The following HDAC1 variants were observed in gnomAD, a reference collection of about 807,000 sequenced individuals.
The protein encoded by HDAC1 is histone deacetylase 1, also known as protein deacetylase HDAC1.
HDAC1 carries 18 observed loss-of-function variants against 65.5 expected under a neutral mutation model. That is an observed-to-expected ratio of 0.27 (90% CI 0.19 to 0.41). HDAC1 has a LOEUF of 0.41. Ranked by LOEUF, HDAC1 falls within the 10% of genes least tolerant of loss-of-function variation. HDAC1 has a pLI of 1.00. For synonymous variants in HDAC1, 211 were observed against 227.9 expected, an observed-to-expected ratio of 0.93 and a Z score of 0.67; for missense variants, 373 against 625.2, an observed-to-expected ratio of 0.60 and a Z score of 4.30.
chr1:32,305,076 T>C (rs1640894279), intron 2 of HDAC1, among the ~76,000 whole-genome samples: 1 of 152,224 alleles, frequency 6.6e-6, no homozygotes, highest in South Asian at 2.1e-4. Context: ...CAGTATGTTT[T>C]AGTTTTACAT....
At chr1:32,295,291 G>A (rs1396883351) in intron 1 of HDAC1, among the ~76,000 whole-genome samples, 5 of 152,030 alleles carry the variant, frequency 3.3e-5, no homozygotes, top group Admixed American at 3.3e-4. Flanking sequence ...GCATGTGCCT[G>A]TAGAGAGGCT....
Position 32,333,551 on chromosome 1 carries a change from GCTAGT to G in HDAC1, c.*513_*517del, listed in dbSNP as rs1160636791. The G allele has an allele frequency of 2.6e-5, 4 of 152,608 alleles. No individual in the cohort carries two copies. Among genetic ancestry groups the G allele is most frequent in the South Asian group, 2.1e-4 (1 of 4,842 alleles). 9.5% of individuals were successfully genotyped at this position (152,608 alleles called of 1,614,324 possible). Reference sequence around the variant, plus strand: ...TCTCCTAATTCTGCAGGTGGAGGTTGCTAGTCTAGTTTCCTTTTTGAGATACTATT... The same window carrying G: ...TCTCCTAATTCTGCAGGTGGAGGTTGCTAGTTTCCTTTTTGAGATACTATT... On this transcript the variant is annotated 3_prime_UTR_variant, in exon 14 of 14. Transcript: ENST00000373548.
chr1:32,301,339 G>T (rs574795011), intron 1 of HDAC1, among the ~76,000 whole-genome samples: 1 of 151,992 alleles, frequency 6.6e-6, no homozygotes, highest in South Asian at 2.1e-4. Flanking sequence ...CCAGCTACTC[G>T]GGAGGCTGAG....
intron 1 of HDAC1, among the ~76,000 whole-genome samples, chr1:32,295,413 A>G (rs77849305): frequency 6.6e-6 from 1 of 151,938 alleles, no homozygotes; most frequent in Non-Finnish European, 1.5e-5. Flanking sequence ...AAAAAAAAAA[A>G]GAACATAAAT....
chr1:32,327,180 T>C lies in HDAC1; in HGVS notation c.494+103T>C. ...CCCTAGTTTGCTTTTCCTACCGATG[T>C]GCTGGCTAGGATGTGCTCGGTGAGT... On this transcript the variant is annotated intron_variant, in intron 5 of 13. Coordinates refer to ENST00000373548, the MANE Select transcript of HDAC1 (RefSeq NM_004964.3). The surrounding 1 kb of genome is among the most constrained non-coding windows in gnomAD (Gnocchi z 6.0). 1 of 1,205,168 alleles carries C rather than the reference T, an allele frequency of 8.3e-7. No individual in the cohort carries two copies. The highest frequency in any genetic ancestry group is 1.8e-5 in the Admixed American group (1 of 54,290). 74.7% of individuals were successfully genotyped at this position (1,205,168 alleles called of 1,614,324 possible).
intron 1 of HDAC1, among the ~76,000 whole-genome samples, chr1:32,298,030 T>C (rs1230954530): frequency 6.6e-6 from 1 of 150,670 alleles, no homozygotes; most frequent in East Asian, 2.0e-4. Flanking sequence ...ACCTTGTGAT[T>C]CGCCCGCCTC....
At chr1:32,332,677 C>G (rs912832363) in intron 12 of HDAC1, 24 bp from the exon 13 acceptor site, 1 of 1,548,674 alleles carries the variant, frequency 6.5e-7, no homozygotes, top group African/African-American at 1.4e-5. Context: ...TGCCCTTGGC[C>G]ATCCCTGTAC....
In HDAC1 at chr1:32,329,240, C is replaced by G; in HGVS notation, c.729+80C>G. 2 of 832,578 alleles carry G rather than the reference C, an allele frequency of 2.4e-6. No individual in the cohort carries two copies. The highest frequency in any genetic ancestry group is 4.3e-6 in the Non-Finnish European group (2 of 469,054). The allele number at this position is 832,578 out of a possible 1,614,324, so 51.6% of individuals were successfully genotyped here. ...AGGGGAGCAAAGCACCCCCACCATA[C>G]CTCAGGAATCTCTCCTTACTAAAGC... On this transcript the variant is annotated intron_variant, in intron 7 of 13. Transcript: ENST00000373548. This position sits in a 1 kb window ranked among gnomAD's most constrained non-coding sequence, Gnocchi z 4.1.
intron 1 of HDAC1, among the ~76,000 whole-genome samples, chr1:32,292,895 C>T (rs577806911): frequency 6.6e-6 from 1 of 152,240 alleles, no homozygotes; most frequent in South Asian, 2.1e-4. Context: ...AGGCACCGAA[C>T]TCCACCTGAG....
rs143782989 is a variant in HDAC1 at position 32,296,027 on chromosome 1, C to T, written c.49+3809C>T. Among the ~76,000 whole-genome samples the T allele has an allele frequency of 4.5e-3, 683 of 152,236 alleles. 4 individuals are homozygous for T. Among genetic ancestry groups the T allele is most frequent in the African/African-American group, 0.015 (639 of 41,536 alleles). Reference sequence around the variant, plus strand: ...GTGCCCCTCATGCTGTGTACTCCCCCGTGATAGTATTTGTCACTGTGTAGA... The same window carrying T: ...GTGCCCCTCATGCTGTGTACTCCCCTGTGATAGTATTTGTCACTGTGTAGA... On this transcript the variant is annotated intron_variant, in intron 1 of 13. Coordinates refer to ENST00000373548, the MANE Select transcript of HDAC1 (RefSeq NM_004964.3).
chr1:32,320,568 A>G (rs1046758875), intron 3 of HDAC1, among the ~76,000 whole-genome samples: 5 of 152,144 alleles, frequency 3.3e-5, no homozygotes, highest in Non-Finnish European at 5.9e-5. Context: ...TAGTCCCCCA[A>G]TTCTGTAGTT....
Position 32,316,685 on chromosome 1 carries a change from TGAG to T in HDAC1, c.187_189del (p.Glu63del). On this transcript the variant is annotated inframe_deletion, in exon 3 of 14. Coordinates refer to ENST00000373548, the MANE Select transcript of HDAC1 (RefSeq NM_004964.3). Reference sequence around the variant, plus strand: ...TCTAGCGCCCTCACAAAGCCAATGCTGAGGAGATGACCAAGTACCACAGCGATG... The same window carrying T: ...TCTAGCGCCCTCACAAAGCCAATGCTGAGATGACCAAGTACCACAGCGATG... The T allele has an allele frequency of 1.9e-6, 3 of 1,613,536 alleles. No homozygotes were observed. Among genetic ancestry groups the T allele is most frequent in the Non-Finnish European group, 2.5e-6 (3 of 1,179,498 alleles).
intron 2 of HDAC1, 118 bp downstream of exon 2, chr1:32,302,851 G>A: frequency 1.5e-6 from 1 of 665,340 alleles, no homozygotes. Context: ...CATGTTGACT[G>A]CTGTTACAAG....
chr1:32,318,338 CTTGAGCCCAGCCAGGAGT>C (rs1641092578), intron 3 of HDAC1, among the ~76,000 whole-genome samples: 1 of 152,152 alleles, frequency 6.6e-6, no homozygotes, highest in South Asian at 2.1e-4. Flanking sequence ...GGGAGGATTG[CTTGAGCCCAGCCAGGAGT>C]TTGAGACCAG....
At chr1:32,310,615 T>G (rs1021044798) in intron 2 of HDAC1, among the ~76,000 whole-genome samples, 1 of 152,054 alleles carries the variant, frequency 6.6e-6, no homozygotes, top group Admixed American at 6.6e-5. Context: ...TTTGGGAGGC[T>G]GAGGCGGATG....
chr1:32,308,542 G>A (rs575006143), intron 2 of HDAC1, among the ~76,000 whole-genome samples: 7 of 151,914 alleles, frequency 4.6e-5, no homozygotes, highest in East Asian at 1.9e-4. Flanking sequence ...TTTCTGGGAC[G>A]GAGTCTTGAT....
chr1:32,316,530 A>G (rs914020520), intron 2 of HDAC1, 135 bp from the exon 3 acceptor site: 1 of 653,552 alleles, frequency 1.5e-6, no homozygotes, highest in African/African-American at 1.8e-5. Flanking sequence ...TGAAGCCTGA[A>G]TCTAACCAGT....
intron 1 of HDAC1, among the ~76,000 whole-genome samples, chr1:32,296,421 G>A (rs1351683320): frequency 6.6e-6 from 1 of 152,186 alleles, no homozygotes; most frequent in African/African-American, 2.4e-5. Context: ...CTGGAGTGCA[G>A]TGGCATGATC....
rs11541185 is a variant in HDAC1 at position 32,302,668 on chromosome 1, C to A, written c.97C>A (p.His33Asn). 6.2e-7 allele frequency: 1 copy of A among 1,609,104 alleles called. No homozygotes were observed. Among genetic ancestry groups the A allele is most frequent in the Non-Finnish European group, 8.5e-7 (1 of 1,175,398 alleles). ...YYGQGHPMKPHRIRMTHNLLL... is the reference protein window; with the variant it reads ...YYGQGHPMKPNRIRMTHNLLL... ...TGGACAAGGCCACCCAATGAAGCCT[C>A]ACCGAATCCGCATGACTCATAATTT... Residue 33 changes from histidine (H) to asparagine (N), a missense_variant, in exon 2 of 14, where the codon CAC becomes AAC. By Grantham distance (68) the His-to-Asn change is moderately conservative. Transcript: ENST00000373548.
Sources: gnomAD v4.1 joint callset for allele counts (sites outside exome capture counted in the v4.1 genomes callset) on GRCh38, gnomAD v4.1.1 for gene constraint, Gnocchi (gnomAD v3.1) non-coding constraint, MANE v1.5 for transcripts, NCBI Gene and HGNC (gene_info 2026-07-23, HGNC 2026-07-21) for gene names.